Variants in PDZRN4 observed in about 807,000 individuals in gnomAD.
PDZRN4 encodes PDZ domain containing ring finger 4.
Under a neutral mutation model 99.0 loss-of-function variants are expected in PDZRN4, and 70 were observed. That is an observed-to-expected ratio of 0.71 (90% CI 0.58 to 0.86). The LOEUF (loss-of-function observed/expected upper bound fraction) is 0.86, where lower values mean the gene tolerates loss of function less well. Ranked by LOEUF, PDZRN4 falls within the 40% of genes least tolerant of loss-of-function variation. PDZRN4 has a pLI of 0.00. For missense variants in PDZRN4, 1,474 were observed against 1,331.2 expected, an observed-to-expected ratio of 1.11 and a Z score of -1.67; for synonymous variants, 551 against 501.6, an observed-to-expected ratio of 1.10 and a Z score of -1.32.
chr12:41,570,844 A>G (rs1298629715), intron 9 of PDZRN4, among the ~76,000 whole-genome samples: 1 of 152,136 alleles, frequency 6.6e-6, no homozygotes, highest in Non-Finnish European at 1.5e-5. Flanking sequence ...GACATTTAAG[A>G]TAAATCTCAG....
chr12:41,371,462 A>G (rs970959165), intron 3 of PDZRN4, among the ~76,000 whole-genome samples: 11 of 152,034 alleles, frequency 7.2e-5, no homozygotes, highest in African/African-American at 2.7e-4. Flanking sequence ...ACAGCCCTAC[A>G]AATTTCTGGT....
intron 3 of PDZRN4, among the ~76,000 whole-genome samples, chr12:41,200,318 C>T (rs1417738290): frequency 2.6e-5 from 4 of 152,140 alleles, no homozygotes; most frequent in Admixed American, 2.0e-4. Flanking sequence ...TCACCCTAGA[C>T]AGTCCCTCAG....
intron 3 of PDZRN4, among the ~76,000 whole-genome samples, chr12:41,426,290 TA>T (rs141319904): frequency 0.026 from 3,951 of 152,228 alleles, 178 homozygotes; most frequent in African/African-American, 0.091. Context: ...GCCCAACCCA[TA>T]ACTGATCCTA....
chr12:41,545,691 T>C (rs972837701), intron 5 of PDZRN4, among the ~76,000 whole-genome samples: 2 of 151,922 alleles, frequency 1.3e-5, no homozygotes, highest in African/African-American at 4.8e-5. Flanking sequence ...TTTGGTAGGA[T>C]TGGGGATTTT....
chr12:41,458,425 G>A (rs1952836815), intron 3 of PDZRN4, among the ~76,000 whole-genome samples: 1 of 152,120 alleles, frequency 6.6e-6, no homozygotes, highest in Non-Finnish European at 1.5e-5. Context: ...CCAAAGTGCT[G>A]GAATTACAGG....
chr12:41,558,834 A>G (rs1374337202), intron 7 of PDZRN4, among the ~76,000 whole-genome samples: 1 of 152,208 alleles, frequency 6.6e-6, no homozygotes, highest in Admixed American at 6.5e-5. Context: ...TGATTATGAA[A>G]TTATATTAAG....
At chr12:41,217,303 G>A (rs1305810316) in intron 3 of PDZRN4, among the ~76,000 whole-genome samples, 3 of 152,036 alleles carry the variant, frequency 2.0e-5, no homozygotes, top group African/African-American at 7.2e-5. Flanking sequence ...GCTACACAGG[G>A]CTCAGGTTTA....
chr12:41,239,337 G>C (rs1378164579), intron 3 of PDZRN4, among the ~76,000 whole-genome samples: 1 of 152,268 alleles, frequency 6.6e-6, no homozygotes, highest in East Asian at 1.9e-4. Flanking sequence ...TGTGGGGAGG[G>C]ACAGCATCAG....
intron 3 of PDZRN4, among the ~76,000 whole-genome samples, chr12:41,202,213 T>C (rs547034070): frequency 3.9e-5 from 6 of 152,176 alleles, no homozygotes; most frequent in African/African-American, 1.4e-4. Context: ...GAAGTCCTCT[T>C]GGGGAGAGCT....
At chr12:41,557,311 T>G (rs961001757) in intron 7 of PDZRN4, among the ~76,000 whole-genome samples, 3 of 152,062 alleles carry the variant, frequency 2.0e-5, no homozygotes, top group African/African-American at 7.2e-5. Context: ...GAATGATAAA[T>G]CCAGGGAGCG....
rs1173728372 is a variant in PDZRN4, at chr12:41,298,189, A to G, written c.843+104001A>G. 2.0e-5 allele frequency among the ~76,000 whole-genome samples: 3 copies of G among 152,192 alleles called. 1 individual carries two copies. Among genetic ancestry groups the G allele is most frequent in the Non-Finnish European group, 4.4e-5 (3 of 68,018 alleles). ...ATAATCTTACCCCAGGGAAAATACT[A>G]TTAACAGTTCTTAATATATATGTTA... On this transcript the variant is annotated intron_variant, in intron 3 of 9. Coordinates refer to ENST00000402685, the MANE Select transcript of PDZRN4 (RefSeq NM_001164595.2).
At chr12:41,235,092 A>T (rs562275050) in intron 3 of PDZRN4, among the ~76,000 whole-genome samples, 2 of 152,250 alleles carry the variant, frequency 1.3e-5, no homozygotes, top group South Asian at 4.1e-4. Flanking sequence ...GAATTCCTAA[A>T]TATGCCTCGT....
chr12:41,373,249 T>A (rs867094329), intron 3 of PDZRN4, among the ~76,000 whole-genome samples: 1 of 152,100 alleles, frequency 6.6e-6, no homozygotes, highest in South Asian at 2.1e-4. Flanking sequence ...GCACAGATTG[T>A]CATTGATAGC....
At chr12:41,464,989 T>C (rs1246514855) in intron 3 of PDZRN4, among the ~76,000 whole-genome samples, 1 of 152,086 alleles carries the variant, frequency 6.6e-6, no homozygotes, top group African/African-American at 2.4e-5. Flanking sequence ...CACGCCTGGC[T>C]AATTTTTGCA....
At chr12:41,265,473 C>G (rs895664156) in intron 3 of PDZRN4, among the ~76,000 whole-genome samples, 3 of 152,144 alleles carry the variant, frequency 2.0e-5, no homozygotes, top group Non-Finnish European at 4.4e-5. Flanking sequence ...AGAAACACAG[C>G]AAGGACCGAT....
chr12:41,297,082 C>T (rs7971709), intron 3 of PDZRN4, among the ~76,000 whole-genome samples: 9,359 of 152,208 alleles, frequency 0.061, 826 homozygotes, highest in African/African-American at 0.2. Flanking sequence ...ATGAACTAAA[C>T]GGCTGGTAAC....
At chr12:41,530,658 T>C (rs1044074447) in intron 5 of PDZRN4, among the ~76,000 whole-genome samples, 1 of 152,228 alleles carries the variant, frequency 6.6e-6, no homozygotes, top group African/African-American at 2.4e-5. Context: ...ATCTTTATAA[T>C]ATATTTACTA....
chr12:41,276,570 CTAAG>C (rs1182031763), intron 3 of PDZRN4, among the ~76,000 whole-genome samples: 4 of 151,978 alleles, frequency 2.6e-5, no homozygotes, highest in South Asian at 2.1e-4. Context: ...ATAGATTCTG[CTAAG>C]TGTTTCCCAT....
At chr12:41,233,898 C>A (rs547728692) in intron 3 of PDZRN4, among the ~76,000 whole-genome samples, 1 of 151,822 alleles carries the variant, frequency 6.6e-6, no homozygotes, top group East Asian at 1.9e-4. Flanking sequence ...ATGTAACAAG[C>A]CTGCATGTTG....
Sources: allele counts gnomAD v4.1 joint callset (sites outside exome capture counted in the v4.1 genomes callset), GRCh38; gene constraint gnomAD v4.1.1; transcripts MANE v1.5; gene names NCBI Gene and HGNC (gene_info 2026-07-23, HGNC 2026-07-21).